The following DBI variants were observed in gnomAD, a reference collection of about 807,000 sequenced individuals.
The protein encoded by DBI is diazepam binding inhibitor, acyl-CoA binding protein, also known as acyl-CoA-binding protein.
In DBI, 12 loss-of-function variants were observed where a neutral mutation model predicts 13.0. The ratio of observed to expected loss-of-function variants is 0.92; its 90% CI spans 0.59 to 1.49. DBI has a LOEUF of 1.49. Ranked by LOEUF, DBI falls within the 40% of genes most tolerant of loss-of-function variation. The pLI is 0.00. For missense variants in DBI, 95 were observed against 104.8 expected, an observed-to-expected ratio of 0.91 and a Z score of 0.41; for synonymous variants, 37 against 37.4, an observed-to-expected ratio of 0.99 and a Z score of 0.04.
At chr2:119,368,060 T>C (rs1399064267) in intron 1 of DBI, 128 bp from the exon 2 acceptor site, 13 of 1,513,254 alleles carry the variant, frequency 8.6e-6, no homozygotes, top group South Asian at 2.2e-5. Flanking sequence ...AGGGGCTGCA[T>C]TGCCCGAAGG....
intron 2 of DBI, among the ~76,000 whole-genome samples, chr2:119,369,219 G>A (rs778153597): frequency 6.6e-6 from 1 of 152,210 alleles, no homozygotes; most frequent in Non-Finnish European, 1.5e-5. Context: ...CTTCCAGGGA[G>A]GGGAAGGAAA....
At chr2:119,368,452 A>G in intron 2 of DBI, 147 bp downstream of exon 2, 1 of 660,864 alleles carries the variant, frequency 1.5e-6, no homozygotes, top group South Asian at 1.7e-5. Flanking sequence ...GGTGGAAAAG[A>G]CCATGTTCCG....
intron 2 of DBI, among the ~76,000 whole-genome samples, chr2:119,369,305 C>T (rs1237409866): frequency 6.6e-6 from 1 of 152,128 alleles, no homozygotes; most frequent in African/African-American, 2.4e-5. Flanking sequence ...GGCCTGTGCC[C>T]GTACTAGAGT....
chr2:119,367,777 G>C, intron 1 of DBI: 1 of 1,609,596 alleles, frequency 6.2e-7, no homozygotes, highest in East Asian at 2.2e-5. Context: ...CTCAGGCCAG[G>C]GCTTCGCTGC....
intron 1 of DBI, chr2:119,367,315 G>T: frequency 7.0e-7 from 1 of 1,437,602 alleles, no homozygotes; most frequent in Non-Finnish European, 9.1e-7. Flanking sequence ...AGCGGGAGAG[G>T]GGTGGGAGTC....
rs567513217 is a variant in DBI, at chr2:119,367,094, C to T, written c.9+34C>T. ...CGTGCACAGCCAGGCTGCGAAGGTG[C>T]AGCGGGCGGGAGGCCCGTTGGGGGC... On this transcript the variant is annotated intron_variant, in intron 1 of 3. Transcript: ENST00000355857. 51 of 1,612,958 alleles carry T rather than the reference C, an allele frequency of 3.2e-5. No homozygotes were observed. The East Asian group carries it at 7.4e-4, about 23-fold the overall frequency.
At chr2:119,367,756 C>T in intron 1 of DBI, 2 of 1,607,220 alleles carry the variant, frequency 1.2e-6, no homozygotes, top group East Asian at 2.2e-5. Flanking sequence ...GCATACTGTG[C>T]CCCGTCTGTC....
chr2:119,368,309 TGCAGAGCGGGGG>T lies in DBI; in HGVS notation c.127+5_127+16del. 6.2e-7 allele frequency: 1 copy of T among 1,607,806 alleles called. No individual in the cohort carries two copies. The highest frequency in any genetic ancestry group is 8.5e-7 in the Non-Finnish European group (1 of 1,174,270). On this transcript the variant is annotated splice_donor_5th_base_variant and intron_variant, in intron 2 of 3. Transcript: ENST00000355857. ...ACTGTGGGCGACATAAATACAGGTA[TGCAGAGCGGGGG>T]TTGGAAGGGCATCTGCTCATCAAAG...
chr2:119,368,341 T>G, intron 2 of DBI, 36 bp downstream of exon 2: 1 of 1,506,806 alleles, frequency 6.6e-7, no homozygotes. Context: ...CATCTGCTCA[T>G]CAAAGCAGGC....
intron 1 of DBI, 80 bp from the exon 2 acceptor site, chr2:119,368,108 C>A: frequency 6.7e-7 from 1 of 1,488,716 alleles, no homozygotes; most frequent in Non-Finnish European, 9.4e-7. Flanking sequence ...CGTAACTGGG[C>A]TGTCATCAGG....
chr2:119,368,604 G>A, intron 2 of DBI: 1 of 323,930 alleles, frequency 3.1e-6, no homozygotes, highest in East Asian at 6.3e-5. Context: ...TCTCAGCTCA[G>A]TAGTATCATT....
intron 3 of DBI, among the ~76,000 whole-genome samples, chr2:119,371,853 A>G (rs922577818): frequency 1.9e-4 from 29 of 152,230 alleles, no homozygotes; most frequent in African/African-American, 7.0e-4. Flanking sequence ...AAACAGAGAC[A>G]CTGAAAAGGC....
chr2:119,367,766 C>T, intron 1 of DBI: 1 of 1,608,672 alleles, frequency 6.2e-7, no homozygotes, highest in Non-Finnish European at 8.5e-7. Flanking sequence ...CCCCGTCTGT[C>T]CTCAGGCCAG....
rs757076508 is a variant in DBI, at chr2:119,368,078, C to T, written c.10-110C>T. The stretch of plus-strand genomic sequence containing the variant: ...GGCTGCATTGCCCGAAGGGTGCCAC[C>T]TTTCCCACCTCTCCATCCCCGTAAC... On this transcript the variant is annotated intron_variant, in intron 1 of 3. Coordinates refer to ENST00000355857, the MANE Select transcript of DBI (RefSeq NM_001079862.4). The T allele has an allele frequency of 4.8e-5, 71 of 1,488,042 alleles. 2 individuals are homozygous for T. The South Asian group carries it at 7.6e-4, about 16-fold the overall frequency. The allele number at this position is 1,488,042 out of a possible 1,614,324, so 92.2% of individuals were successfully genotyped here.
intron 1 of DBI, chr2:119,367,409 G>A: frequency 6.6e-7 from 1 of 1,504,122 alleles, no homozygotes; most frequent in Non-Finnish European, 8.9e-7. Context: ...GAAGCACAGG[G>A]CAGGACGTCG....
Position 119,372,454 on chromosome 2 carries a change from G to A in DBI, c.*136G>A. On this transcript the variant is annotated 3_prime_UTR_variant, in exon 4 of 4. Transcript: ENST00000355857. ...GCTACTCAAGGCTGCTCACCATACG[G>A]CTCTAACAGATTAGGGGCTAAAACG... 3.2e-6 allele frequency: 2 copies of A among 619,764 alleles called. No individual in the cohort carries two copies. The highest frequency in any genetic ancestry group is 5.8e-6 in the Non-Finnish European group (2 of 347,048). 38.4% of individuals were successfully genotyped at this position (619,764 alleles called of 1,614,324 possible).
At chr2:119,367,760 G>A (rs1338902740) in intron 1 of DBI, 1 of 1,607,956 alleles carries the variant, frequency 6.2e-7, no homozygotes, top group South Asian at 1.1e-5. Context: ...ACTGTGCCCC[G>A]TCTGTCCTCA....
At chr2:119,370,941 G>GA (rs933237305) in intron 3 of DBI, 139 bp downstream of exon 3, 4 of 697,790 alleles carry the variant, frequency 5.7e-6, no homozygotes, top group Admixed American at 6.3e-5. Flanking sequence ...GCCAGAATGG[G>GA]AAAAAACCGG....
chr2:119,372,071 T>C (rs1294621343), intron 3 of DBI, among the ~76,000 whole-genome samples, 174 bp from the exon 4 acceptor site: 1 of 152,210 alleles, frequency 6.6e-6, no homozygotes, highest in Non-Finnish European at 1.5e-5. Context: ...TTATGGAGCA[T>C]TCACTTCGGG....
Sources: gnomAD v4.1 joint callset for allele counts (sites outside exome capture counted in the v4.1 genomes callset) on GRCh38, gnomAD v4.1.1 for gene constraint, MANE v1.5 for transcripts, NCBI Gene and HGNC (gene_info 2026-07-23, HGNC 2026-07-21) for gene names.